The following TSTD2 variants were observed in gnomAD, a reference collection of about 807,000 sequenced individuals.
The protein encoded by TSTD2 is thiosulfate sulfurtransferase/rhodanese-like domain-containing protein 2.
In TSTD2, 37 loss-of-function variants were observed where a neutral mutation model predicts 47.9. That is an observed-to-expected ratio of 0.77 (90% CI 0.59 to 1.02). The LOEUF is 1.02. Ranked by LOEUF, TSTD2 falls within the 50% of genes least tolerant of loss-of-function variation. The pLI, the probability that TSTD2 is intolerant of heterozygous loss-of-function variation, is 0.00. For missense variants in TSTD2, 586 were observed against 616.0 expected (o/e 0.95, Z 0.52); for synonymous variants, 201 against 215.9 (o/e 0.93, Z 0.61).
intron 3 of TSTD2, among the ~76,000 whole-genome samples, chr9:97,622,475 G>C (rs1478316422): frequency 6.6e-6 from 1 of 152,336 alleles, no homozygotes; most frequent in Admixed American, 6.5e-5. Flanking sequence ...GGGAAATGTG[G>C]GGTCAGAGCC....
intron 6 of TSTD2, 75 bp downstream of exon 6, chr9:97,610,271 G>C (rs1826434939): frequency 4.5e-6 from 6 of 1,342,120 alleles, no homozygotes; most frequent in Non-Finnish European, 4.2e-6. Flanking sequence ...GCTGATCACA[G>C]TGCCTAGCTT....
In TSTD2 at chr9:97,600,797, T is replaced by C. The variant is rs1401687927; in HGVS notation, c.*1672A>G. 9.3e-7 allele frequency: 1 copy of C among 1,074,194 alleles called. No homozygotes were observed. The highest frequency in any genetic ancestry group is 1.1e-6 in the Non-Finnish European group (1 of 880,770). The allele number at this position is 1,074,194 out of a possible 1,614,324, so 66.5% of individuals were successfully genotyped here. ...TGATTACACTGAAATGTAGTATTAG[T>C]ACTGCTGCCAGATCTCTTTTTAACA... On this transcript the variant is annotated 3_prime_UTR_variant, in exon 10 of 10. Coordinates refer to ENST00000341170, the MANE Select transcript of TSTD2 (RefSeq NM_139246.5).
chr9:97,600,085 T>A lies in TSTD2; in HGVS notation c.*2384A>T. ...AAACGGCACACTCTTCCACATGCTT[T>A]TGAAGTATTATAAAACACTTTATTA... On this transcript the variant is annotated 3_prime_UTR_variant, in exon 10 of 10. Transcript: ENST00000341170. 9.7e-7 allele frequency: 1 copy of A among 1,027,092 alleles called. No individual in the cohort carries two copies. 63.6% of individuals were successfully genotyped at this position (1,027,092 alleles called of 1,614,324 possible).
intron 6 of TSTD2, among the ~76,000 whole-genome samples, chr9:97,608,416 A>T (rs925986926): frequency 1.3e-5 from 2 of 152,068 alleles, no homozygotes; most frequent in African/African-American, 4.8e-5. Flanking sequence ...TGGGCAGATC[A>T]CTTGAGGTCA....
intron 3 of TSTD2, among the ~76,000 whole-genome samples, chr9:97,620,210 G>C (rs1390445173): frequency 6.6e-6 from 1 of 152,146 alleles, no homozygotes; most frequent in African/African-American, 2.4e-5. Context: ...TAAATCTCAT[G>C]AGAGTTGATG....
intron 9 of TSTD2, 103 bp from the exon 10 acceptor site, chr9:97,602,870 C>T: frequency 1.6e-6 from 2 of 1,239,924 alleles, no homozygotes; most frequent in South Asian, 3.3e-5. Context: ...TCCTGTGGAA[C>T]CCGGGGAAGG....
At chr9:97,620,502 G>GT (rs1356913672) in intron 3 of TSTD2, among the ~76,000 whole-genome samples, 4 of 152,234 alleles carry the variant, frequency 2.6e-5, no homozygotes, top group African/African-American at 9.6e-5. Context: ...TTGGAACTAG[G>GT]TAACAGGCAG....
intron 6 of TSTD2, 72 bp from the exon 7 acceptor site, chr9:97,606,333 C>G (rs1196935369): frequency 7.1e-6 from 6 of 847,546 alleles, no homozygotes. Flanking sequence ...ACTCACCCAG[C>G]CTGACTTACG....
At chr9:97,628,031 C>T (rs941486229) in intron 1 of TSTD2, among the ~76,000 whole-genome samples, 7 of 152,142 alleles carry the variant, frequency 4.6e-5, no homozygotes, top group Non-Finnish European at 8.8e-5. Context: ...AATTAGGGAG[C>T]GAGCCATGCA....
At chr9:97,631,754 GA>G (rs1466730852) in intron 1 of TSTD2, among the ~76,000 whole-genome samples, 1 of 151,974 alleles carries the variant, frequency 6.6e-6, no homozygotes, top group South Asian at 2.1e-4. Flanking sequence ...TAAGGCACAA[GA>G]ATTGCCTGAA....
At chr9:97,616,314 G>T (rs928676571) in intron 4 of TSTD2, among the ~76,000 whole-genome samples, 1 of 152,178 alleles carries the variant, frequency 6.6e-6, no homozygotes, top group Non-Finnish European at 1.5e-5. Flanking sequence ...GAACCTAAGG[G>T]CATTTTTAAG....
rs988827104 is a variant in TSTD2, at chr9:97,600,386, A to C, written c.*2083T>G. On this transcript the variant is annotated 3_prime_UTR_variant, in exon 10 of 10. Transcript: ENST00000341170. Reference sequence around the variant, plus strand: ...CTTTCATTACCAATCCCAGGCAACAAACATGTCCCTGAGTGTTCTTTAAGA... The same window carrying C: ...CTTTCATTACCAATCCCAGGCAACACACATGTCCCTGAGTGTTCTTTAAGA... 31 of 985,936 alleles carry C rather than the reference A, an allele frequency of 3.1e-5. No homozygotes were observed. The African/African-American group carries it at 3.8e-4, about 12-fold the overall frequency. 61.1% of individuals were successfully genotyped at this position (985,936 alleles called of 1,614,324 possible).
At chr9:97,610,266 TCA>T (rs752494789) in intron 6 of TSTD2, 78 bp downstream of exon 6, 6 of 1,293,152 alleles carry the variant, frequency 4.6e-6, no homozygotes, top group Non-Finnish European at 6.5e-6. Context: ...CTGCTGCTGA[TCA>T]CAGTGCCTAG....
intron 9 of TSTD2, 124 bp downstream of exon 9, chr9:97,604,602 AT>A: frequency 7.2e-7 from 1 of 1,392,350 alleles, no homozygotes. Flanking sequence ...CAATGTACTT[AT>A]TTTCCCTGCT....
chr9:97,601,351 CCTCAGTAAGAATGTGTCATG>C lies in TSTD2; in HGVS notation c.*1098_*1117del. The C allele has an allele frequency of 8.8e-7, 1 of 1,130,948 alleles. No individual in the cohort carries two copies. Among genetic ancestry groups the C allele is most frequent in the Non-Finnish European group, 1.1e-6 (1 of 909,632 alleles). 70.1% of individuals were successfully genotyped at this position (1,130,948 alleles called of 1,614,324 possible). A position where few individuals can be genotyped will look rare whatever the true frequency, so the allele number is the denominator to read the frequency against. The stretch of plus-strand genomic sequence containing the variant: ...CAGCCACCATGGCAGTGCTGGATGA[CCTCAGTAAGAATGTGTCATG>C]TATTCCAGGTGCTGATCTAAAAACT... On this transcript the variant is annotated 3_prime_UTR_variant, in exon 10 of 10. Transcript: ENST00000341170.
rs1826243628 is a variant in TSTD2, at chr9:97,600,952, T to C, written c.*1517A>G. Reference sequence around the variant, plus strand: ...TTGGGAGTTATTTTCATTAGTGATTTCAGCAAATCTCATGATAAAGGACAA... The same window carrying C: ...TTGGGAGTTATTTTCATTAGTGATTCCAGCAAATCTCATGATAAAGGACAA... On this transcript the variant is annotated 3_prime_UTR_variant, in exon 10 of 10. Transcript: ENST00000341170. 8.8e-7 allele frequency: 1 copy of C among 1,133,706 alleles called. No homozygotes were observed. Among genetic ancestry groups the C allele is most frequent in the South Asian group, 1.9e-5 (1 of 52,664 alleles). 70.2% of individuals were successfully genotyped at this position (1,133,706 alleles called of 1,614,324 possible). A position where few individuals can be genotyped will look rare whatever the true frequency, so the allele number is the denominator to read the frequency against.
intron 3 of TSTD2, among the ~76,000 whole-genome samples, chr9:97,621,498 T>C (rs1206731933): frequency 1.3e-5 from 2 of 152,182 alleles, no homozygotes; most frequent in Non-Finnish European, 2.9e-5. Flanking sequence ...ATTTTTCTTA[T>C]TGAAGAAAAT....
intron 3 of TSTD2, among the ~76,000 whole-genome samples, chr9:97,625,396 A>G (rs945536829): frequency 6.6e-6 from 1 of 152,194 alleles, no homozygotes; most frequent in African/African-American, 2.4e-5. Flanking sequence ...ATTCTTGTAC[A>G]AGGCTTTCTG....
intron 4 of TSTD2, among the ~76,000 whole-genome samples, chr9:97,613,914 C>T (rs1403158844): frequency 1.8e-4 from 27 of 151,376 alleles, no homozygotes; most frequent in Admixed American, 1.4e-3. Flanking sequence ...CTGCAAGCTC[C>T]GCCTCCCAGG....
Sources: allele counts gnomAD v4.1 joint callset (sites outside exome capture counted in the v4.1 genomes callset), GRCh38; gene constraint gnomAD v4.1.1; transcripts MANE v1.5; gene names NCBI Gene and HGNC (gene_info 2026-07-23, HGNC 2026-07-21).